Variants in CHST8 observed in about 807,000 individuals in gnomAD.
The protein encoded by CHST8 is GALNAC-4-ST1.
A neutral mutation model predicts 15.0 loss-of-function variants in CHST8; 10 were observed. The observed-to-expected ratio is 0.67, with a 90% CI of 0.41 to 1.13. The LOEUF (loss-of-function observed/expected upper bound fraction) is 1.13, where lower values mean the gene tolerates loss of function less well. Among genes scored for constraint, CHST8 ranks in the 50% most tolerant of loss-of-function variants. The pLI is 0.00. For synonymous variants in CHST8, 259 were observed against 256.6 expected, an observed-to-expected ratio of 1.01 and a Z score of -0.09; for missense variants, 634 against 608.2, an observed-to-expected ratio of 1.04 and a Z score of -0.45.
At chr19:33,763,210 T>G (rs769645157) in intron 3 of CHST8, among the ~76,000 whole-genome samples, 1 of 152,164 alleles carries the variant, frequency 6.6e-6, no homozygotes, top group Non-Finnish European at 1.5e-5. Flanking sequence ...CAACTCCACA[T>G]GGACCCTCCA....
chr19:33,678,873 G>A (rs751000681), intron 2 of CHST8, among the ~76,000 whole-genome samples: 23 of 152,322 alleles, frequency 1.5e-4, no homozygotes, highest in Non-Finnish European at 2.5e-4. Flanking sequence ...ACCCCAGCCC[G>A]AAGGACCCAG....
rs1208590946 is a variant in CHST8, at chr19:33,701,671, C to T, written c.130+12280C>T. ...GGCTTTGAAAACCGCAGAGCTCCAACGCACGTGTATGATGGTAATTTATAA... is the reference window on the plus strand; with the variant it reads ...GGCTTTGAAAACCGCAGAGCTCCAATGCACGTGTATGATGGTAATTTATAA... On this transcript the variant is annotated intron_variant, in intron 3 of 4. Coordinates refer to ENST00000650847, the MANE Select transcript of CHST8 (RefSeq NM_001127895.2). Among the ~76,000 whole-genome samples, 5 of 152,008 alleles carry T rather than the reference C, an allele frequency of 3.3e-5. No individual in the cohort carries two copies. In the Middle Eastern group the frequency reaches 0.01, roughly 310 times the overall value.
intron 1 of CHST8, among the ~76,000 whole-genome samples, chr19:33,638,918 G>A (rs930044030): frequency 9.2e-5 from 14 of 152,064 alleles, no homozygotes; most frequent in African/African-American, 3.4e-4. Flanking sequence ...GATGTGGATG[G>A]GGGGCACCCA....
At chr19:33,731,569 T>G (rs1021898201) in intron 3 of CHST8, among the ~76,000 whole-genome samples, 4 of 152,236 alleles carry the variant, frequency 2.6e-5, no homozygotes, top group Non-Finnish European at 5.9e-5. Flanking sequence ...AGCAAGGTCT[T>G]TGTGACCTGT....
chr19:33,680,959 T>C (rs1227427973), intron 2 of CHST8, among the ~76,000 whole-genome samples: 1 of 152,228 alleles, frequency 6.6e-6, no homozygotes, highest in African/African-American at 2.4e-5. Flanking sequence ...AGAAATCCCA[T>C]ATATCCCTTA....
At chr19:33,663,076 G>A (rs16968346) in intron 1 of CHST8, among the ~76,000 whole-genome samples, 48,610 of 151,932 alleles carry the variant, frequency 0.32, 9,118 homozygotes, top group African/African-American at 0.51. Context: ...TCTCCAATAT[G>A]CCTGGGTGGA....
At chr19:33,710,038 T>G (rs59689457) in intron 3 of CHST8, among the ~76,000 whole-genome samples, 4,353 of 152,302 alleles carry the variant, frequency 0.029, 142 homozygotes, top group African/African-American at 0.08. Context: ...AGGTTTTCTA[T>G]TTCTTCTTGA....
intron 3 of CHST8, among the ~76,000 whole-genome samples, chr19:33,695,695 C>T (rs1973196182): frequency 6.6e-6 from 1 of 152,074 alleles, no homozygotes; most frequent in African/African-American, 2.4e-5. Context: ...AGTTACTTCA[C>T]TTAGAATAAT....
At chr19:33,721,173 C>T (rs914296662) in intron 3 of CHST8, among the ~76,000 whole-genome samples, 2 of 152,248 alleles carry the variant, frequency 1.3e-5, no homozygotes, top group African/African-American at 4.8e-5. Context: ...TGGGGGCCCG[C>T]AGCCATGGCT....
intron 3 of CHST8, among the ~76,000 whole-genome samples, chr19:33,770,079 C>G (rs1022670740): frequency 1.3e-5 from 2 of 152,120 alleles, no homozygotes; most frequent in Non-Finnish European, 2.9e-5. Flanking sequence ...ACGGCCTCAG[C>G]CTTACATTGT....
intron 3 of CHST8, among the ~76,000 whole-genome samples, chr19:33,725,292 C>G (rs1305909190): frequency 1.3e-5 from 2 of 152,192 alleles, no homozygotes; most frequent in Non-Finnish European, 2.9e-5. Context: ...ACTCACCCCC[C>G]AGGGGCATCC....
chr19:33,663,775 T>G (rs967907752), intron 1 of CHST8, among the ~76,000 whole-genome samples: 1 of 151,854 alleles, frequency 6.6e-6, no homozygotes, highest in Non-Finnish European at 1.5e-5. Flanking sequence ...GAGGCTGAGG[T>G]AGGAGAATCG....
At chr19:33,718,222 CTT>C (rs369864953) in intron 3 of CHST8, among the ~76,000 whole-genome samples, 15 of 143,198 alleles carry the variant, frequency 1.0e-4, no homozygotes, top group South Asian at 9.0e-4. Flanking sequence ...TTTTTTCTTT[CTT>C]TTTTTTTTTT....
At chr19:33,622,998 C>T (rs1288406847) in intron 1 of CHST8, among the ~76,000 whole-genome samples, 1 of 152,172 alleles carries the variant, frequency 6.6e-6, no homozygotes, top group East Asian at 1.9e-4. Context: ...ACGGCGGCTG[C>T]AACTCCGGCT....
At chr19:33,686,627 A>G (rs1480816498) in intron 2 of CHST8, among the ~76,000 whole-genome samples, 4 of 152,140 alleles carry the variant, frequency 2.6e-5, no homozygotes, top group Non-Finnish European at 2.9e-5. Flanking sequence ...GGCGCTAGCC[A>G]TGAAGCTGTT....
intron 3 of CHST8, among the ~76,000 whole-genome samples, chr19:33,710,079 G>C (rs1398878634): frequency 6.6e-6 from 1 of 152,090 alleles, no homozygotes; most frequent in African/African-American, 2.4e-5. Flanking sequence ...TCTTTCTAGG[G>C]CTTTGTTCAT....
intron 2 of CHST8, among the ~76,000 whole-genome samples, chr19:33,676,986 T>C (rs1972818375): frequency 6.6e-6 from 1 of 152,190 alleles, no homozygotes; most frequent in African/African-American, 2.4e-5. Context: ...ATAATTTTTA[T>C]TATGAAAGTG....
intron 3 of CHST8, among the ~76,000 whole-genome samples, chr19:33,757,562 A>C (rs1297852233): frequency 7.7e-6 from 1 of 130,214 alleles, no homozygotes; most frequent in African/African-American, 2.9e-5. Context: ...GAAAGAAAGA[A>C]AGAAAGAAAG....
chr19:33,768,784 T>C (rs1974906339), intron 3 of CHST8, among the ~76,000 whole-genome samples: 1 of 152,140 alleles, frequency 6.6e-6, no homozygotes, highest in South Asian at 2.1e-4. Context: ...AGTGAGCTTG[T>C]GGGGATAGGT....
Sources: allele counts gnomAD v4.1 joint callset (sites outside exome capture counted in the v4.1 genomes callset), GRCh38; gene constraint gnomAD v4.1.1; transcripts MANE v1.5; gene names NCBI Gene and HGNC (gene_info 2026-07-23, HGNC 2026-07-21).